ST8SIA6: variants seen among roughly 807,000 people sequenced by gnomAD.
The protein encoded by ST8SIA6 is ST8 alpha-N-acetyl-neuraminide alpha-2,8-sialyltransferase 6, also known as alpha-2,8-sialyltransferase 8F.
ST8SIA6 carries 39 observed loss-of-function variants against 33.6 expected under a neutral mutation model. The observed-to-expected ratio is 1.16, with a 90% CI of 0.90 to 1.52. ST8SIA6 has a LOEUF of 1.52. ST8SIA6 is among the 40% of genes most tolerant of loss of function. The pLI is 0.00. For synonymous variants in ST8SIA6, 172 were observed against 167.2 expected (o/e 1.03, Z -0.22); for missense variants, 441 against 443.8 (o/e 0.99, Z 0.06).
At chr10:17,399,273 A>G (rs1357679455) in intron 2 of ST8SIA6, 2 of 152,184 alleles carry the variant, frequency 1.3e-5, no homozygotes, top group Non-Finnish European at 2.9e-5. Context: ...CCTGGTGGGG[A>G]TGACAGACAA....
In ST8SIA6 at chr10:17,454,105, G is replaced by A; in HGVS notation, c.101+50C>T. ...ATGGGCGGCTTGGGGGTCCGGGGGC[G>A]CCAGGCGGGGCGCGCGGCGCGGGGC... On this transcript the variant is annotated intron_variant, in intron 1 of 7. Transcript: ENST00000377602. The surrounding 1 kb of genome is among the most constrained non-coding windows in gnomAD (Gnocchi z 4.1). 3 of 255,834 alleles carry A rather than the reference G, an allele frequency of 1.2e-5. No individual in the cohort carries two copies. The highest frequency in any genetic ancestry group is 1.5e-5 in the Non-Finnish European group (2 of 136,122). The allele number at this position is 255,834 out of a possible 1,614,324, so 15.8% of individuals were successfully genotyped here.
At chr10:17,434,007 TC>T (rs1167685508) in intron 2 of ST8SIA6, among the ~76,000 whole-genome samples, 1 of 152,188 alleles carries the variant, frequency 6.6e-6, no homozygotes, top group Non-Finnish European at 1.5e-5. Context: ...TCAAGGAATT[TC>T]TACTTATCCT....
chr10:17,338,284 C>T (rs1428958412), intron 4 of ST8SIA6, among the ~76,000 whole-genome samples: 12 of 152,172 alleles, frequency 7.9e-5, no homozygotes, highest in East Asian at 7.7e-4. Flanking sequence ...CCGCTCGCCT[C>T]GGCCTCCCAA....
At chr10:17,429,726 C>A (rs997306239) in intron 2 of ST8SIA6, among the ~76,000 whole-genome samples, 1 of 152,186 alleles carries the variant, frequency 6.6e-6, no homozygotes, top group African/African-American at 2.4e-5. Context: ...CTCAAGCGAT[C>A]TGACCGCCTC....
intron 4 of ST8SIA6, among the ~76,000 whole-genome samples, chr10:17,340,542 G>A (rs749778557): frequency 6.6e-6 from 1 of 152,112 alleles, no homozygotes; most frequent in Non-Finnish European, 1.5e-5. Context: ...CCTGTGTCAG[G>A]GATAAGAACC....
At chr10:17,348,221 CTT>C (rs202024746) in intron 4 of ST8SIA6, among the ~76,000 whole-genome samples, 3,037 of 131,782 alleles carry the variant, frequency 0.023, 37 homozygotes, top group African/African-American at 0.034. Context: ...GAGTAGGAAC[CTT>C]TTTTTTTTTT....
chr10:17,366,734 T>C (rs1849571717), intron 3 of ST8SIA6, among the ~76,000 whole-genome samples: 3 of 151,892 alleles, frequency 2.0e-5, no homozygotes. Context: ...AAGACAAGGG[T>C]GGTAGCCTTT....
chr10:17,361,308 A>G (rs1346341281), intron 3 of ST8SIA6, among the ~76,000 whole-genome samples: 7 of 152,052 alleles, frequency 4.6e-5, no homozygotes, highest in African/African-American at 1.7e-4. Flanking sequence ...AATGACCAGT[A>G]CCAGAAATGA....
intron 2 of ST8SIA6, among the ~76,000 whole-genome samples, chr10:17,435,839 GT>G (rs1420187343): frequency 1.3e-5 from 2 of 152,074 alleles, no homozygotes; most frequent in Non-Finnish European, 2.9e-5. Flanking sequence ...CTTCTTAAAA[GT>G]TGATGCACTT....
intron 7 of ST8SIA6, among the ~76,000 whole-genome samples, chr10:17,322,142 G>T (rs1847973672): frequency 6.7e-6 from 1 of 150,236 alleles, no homozygotes; most frequent in African/African-American, 2.4e-5. Flanking sequence ...GGAAGGAAGG[G>T]AGAAAGAGGG....
intron 2 of ST8SIA6, among the ~76,000 whole-genome samples, chr10:17,441,397 C>G (rs1299081770): frequency 6.6e-6 from 1 of 152,102 alleles, no homozygotes; most frequent in East Asian, 1.9e-4. Flanking sequence ...ACTGCAACCT[C>G]CACCTCCCAG....
At chr10:17,386,591 T>G (rs1564436637) in intron 3 of ST8SIA6, among the ~76,000 whole-genome samples, 3 of 152,210 alleles carry the variant, frequency 2.0e-5, no homozygotes, top group South Asian at 2.1e-4. Flanking sequence ...AACACAGAGT[T>G]TCTTCTCCTT....
At chr10:17,351,673 A>G (rs537308174) in intron 4 of ST8SIA6, among the ~76,000 whole-genome samples, 1 of 152,196 alleles carries the variant, frequency 6.6e-6, no homozygotes, top group South Asian at 2.1e-4. Flanking sequence ...GGCTGAATGC[A>G]TAAATGAAAT....
intron 2 of ST8SIA6, among the ~76,000 whole-genome samples, chr10:17,408,674 A>G (rs963573698): frequency 1.3e-5 from 2 of 152,068 alleles, no homozygotes; most frequent in African/African-American, 4.8e-5. Flanking sequence ...AAAAGATAAA[A>G]TAAATAAATG....
intron 4 of ST8SIA6, among the ~76,000 whole-genome samples, chr10:17,331,912 A>C (rs181395469): frequency 6.6e-6 from 1 of 152,096 alleles, no homozygotes; most frequent in Non-Finnish European, 1.5e-5. Context: ...TAAGCCCCAC[A>C]TGCATTAGGT....
At chr10:17,402,230 CA>C (rs1424420966) in intron 2 of ST8SIA6, among the ~76,000 whole-genome samples, 1 of 152,116 alleles carries the variant, frequency 6.6e-6, no homozygotes, top group African/African-American at 2.4e-5. Context: ...CACAATGAGA[CA>C]CCATCTCACA....
rs781099379 is a variant in ST8SIA6 at position 17,318,753 on chromosome 10, T to G, written c.*2125A>C. On this transcript the variant is annotated 3_prime_UTR_variant, in exon 8 of 8. Transcript: ENST00000377602. ...TTTGCACTTGGTGAAAAATTTGCAA[T>G]GATTCACCAATACAGAACAAAAAGA... The G allele has an allele frequency of 6.4e-6, 3 of 470,226 alleles. No individual in the cohort carries two copies. Among genetic ancestry groups the G allele is most frequent in the Non-Finnish European group, 1.3e-5 (3 of 227,052 alleles). 29.1% of individuals were successfully genotyped at this position (470,226 alleles called of 1,614,324 possible). A position where few individuals can be genotyped will look rare whatever the true frequency, so the allele number is the denominator to read the frequency against.
At chr10:17,430,996 A>G (rs1554802133) in intron 2 of ST8SIA6, among the ~76,000 whole-genome samples, 1 of 152,162 alleles carries the variant, frequency 6.6e-6, no homozygotes, top group Non-Finnish European at 1.5e-5. Context: ...ACCAAGCGAG[A>G]CATTTATATT....
chr10:17,380,777 A>G (rs115222447), intron 3 of ST8SIA6, among the ~76,000 whole-genome samples: 19,227 of 118,830 alleles, frequency 0.16, 2,115 homozygotes, highest in East Asian at 0.48. Context: ...GTATGTGTTC[A>G]TGTTTGTGTG....
Sources: allele counts gnomAD v4.1 joint callset (sites outside exome capture counted in the v4.1 genomes callset), GRCh38; gene constraint gnomAD v4.1.1; non-coding constraint Gnocchi (gnomAD v3.1); transcripts MANE v1.5; gene names NCBI Gene and HGNC (gene_info 2026-07-23, HGNC 2026-07-21).